EPHB1: variants seen among roughly 807,000 people sequenced by gnomAD.
EPHB1 encodes EPH receptor B1, also known as ephrin type-B receptor 1.
EPHB1 carries 30 observed loss-of-function variants against 94.4 expected under a neutral mutation model. That is an observed-to-expected ratio of 0.32 (90% confidence interval 0.24 to 0.43). The LOEUF is 0.43. Among genes scored for constraint, EPHB1 ranks in the 20% least tolerant of loss-of-function variants. The probability of loss-of-function intolerance (pLI) is 1.00; values close to 1 mark genes in which losing one functional copy is unlikely to be tolerated. For synonymous variants in EPHB1, 522 were observed against 489.1 expected (o/e 1.07, Z -0.89); for missense variants, 1,055 against 1,308.3 (o/e 0.81, Z 2.99).
intron 9 of EPHB1, among the ~76,000 whole-genome samples, chr3:135,172,736 G>T (rs773230991): frequency 6.6e-6 from 1 of 152,250 alleles, no homozygotes; most frequent in Non-Finnish European, 1.5e-5. Flanking sequence ...AAGTCTTATT[G>T]GGAGAGGAGG....
chr3:135,233,303 CCAAA>C (rs778377444), intron 12 of EPHB1, among the ~76,000 whole-genome samples: 9 of 152,196 alleles, frequency 5.9e-5, no homozygotes, highest in Admixed American at 2.6e-4. Context: ...AAGAAATGGG[CCAAA>C]CAAAGGGGCT....
Position 134,909,111 on chromosome 3 carries a change from G to GGC in EPHB1, c.59-16704_59-16703insCG, listed in dbSNP as rs1305507885. Among the ~76,000 whole-genome samples the GGC allele has an allele frequency of 9.7e-4, 105 of 108,060 alleles. 1 individual carries two copies. Among genetic ancestry groups the GGC allele is most frequent in the African/African-American group, 2.5e-3 (70 of 27,752 alleles). The allele number at this position is 108,060 out of a possible 152,430, so 70.9% of individuals were successfully genotyped here. On this transcript the variant is annotated intron_variant, in intron 1 of 15. Transcript: ENST00000398015. ...ATCAGAGAACAGTACACACAAGGTGGGGGCGGGGGGCGGGCTGGAAGAAAA... is the reference window on the plus strand; with the variant it reads ...ATCAGAGAACAGTACACACAAGGTGGGCGGGCGGGGGGCGGGCTGGAAGAAAA...
At chr3:135,211,941 C>T (rs954148663) in intron 12 of EPHB1, among the ~76,000 whole-genome samples, 11 of 152,006 alleles carry the variant, frequency 7.2e-5, no homozygotes, top group African/African-American at 2.7e-4. Context: ...CTTTTTTCCT[C>T]CTTCTGGTAG....
chr3:134,915,498 C>T lies in EPHB1; in HGVS notation c.59-10318C>T, dbSNP rs898562369. ...CGATAGGTTCAGAGGAAGTATGGCCCTGATACTGTGTCTGGAATTGGTGGG... is the reference window on the plus strand; with the variant it reads ...CGATAGGTTCAGAGGAAGTATGGCCTTGATACTGTGTCTGGAATTGGTGGG... On this transcript the variant is annotated intron_variant, in intron 1 of 15. Transcript: ENST00000398015. 4.6e-5 allele frequency among the ~76,000 whole-genome samples: 7 copies of T among 152,172 alleles called. 1 individual carries two copies. Among genetic ancestry groups the T allele is most frequent in the Non-Finnish European group, 1.0e-4 (7 of 68,026 alleles).
chr3:134,915,732 C>T (rs1030508523), intron 1 of EPHB1, among the ~76,000 whole-genome samples: 16 of 151,890 alleles, frequency 1.1e-4, no homozygotes, highest in African/African-American at 3.9e-4. Context: ...GCGGCGCGTC[C>T]GGAGTTGTTC....
At chr3:135,222,660 CT>C (rs1943299583) in intron 12 of EPHB1, among the ~76,000 whole-genome samples, 2 of 152,092 alleles carry the variant, frequency 1.3e-5, no homozygotes, top group Non-Finnish European at 2.9e-5. Flanking sequence ...ACACATTTTC[CT>C]TTGTGTTAAA....
intron 1 of EPHB1, among the ~76,000 whole-genome samples, chr3:134,871,880 G>C (rs1017611214): frequency 6.6e-6 from 1 of 152,154 alleles, no homozygotes; most frequent in African/African-American, 2.4e-5. Flanking sequence ...CCAAACAAGG[G>C]TCATTTTTAA....
At chr3:135,171,348 ACT>A (rs1308584960) in intron 9 of EPHB1, among the ~76,000 whole-genome samples, 1 of 152,152 alleles carries the variant, frequency 6.6e-6, no homozygotes, top group African/African-American at 2.4e-5. Flanking sequence ...TAGGTTAGTG[ACT>A]CTGTCAGCCA....
chr3:135,094,451 G>A (rs144918269), intron 3 of EPHB1, among the ~76,000 whole-genome samples: 2,629 of 152,224 alleles, frequency 0.017, 34 homozygotes, highest in Non-Finnish European at 0.024. Flanking sequence ...TGTTTCTCCT[G>A]GGGCTGGGCC....
At chr3:135,004,494 G>T (rs1935313165) in intron 3 of EPHB1, among the ~76,000 whole-genome samples, 2 of 152,216 alleles carry the variant, frequency 1.3e-5, no homozygotes, top group Non-Finnish European at 2.9e-5. Context: ...TCCTGAATCT[G>T]AACGTTGGCC....
intron 2 of EPHB1, among the ~76,000 whole-genome samples, chr3:134,941,578 T>A (rs1189605506): frequency 6.6e-6 from 1 of 152,230 alleles, no homozygotes; most frequent in Non-Finnish European, 1.5e-5. Context: ...CTTTTGCCTG[T>A]TTCTGAAATT....
intron 1 of EPHB1, among the ~76,000 whole-genome samples, chr3:134,871,397 G>T (rs1324399620): frequency 3.9e-5 from 6 of 152,104 alleles, no homozygotes; most frequent in Admixed American, 2.6e-4. Flanking sequence ...GAGGTGTTTG[G>T]CAGGTGAGGT....
In EPHB1 at chr3:135,162,102, G is replaced by A. The variant is rs2107698234; in HGVS notation, c.1507G>A (p.Val503Met). The stretch of plus-strand genomic sequence containing the variant: ...TGGGCTGCGGCCTGGCATGGTATAT[G>A]TGGTACAGGTGCGTGCCCGCACTGT... The part of the protein sequence containing the change: ...IDGLRPGMVY[V>M]VQVRARTVAG... Residue 503 changes from valine (V) to methionine (M), a missense_variant, in exon 7 of 16, where the codon GTG becomes ATG. By Grantham distance (21) the Val-to-Met change is conservative. Coordinates refer to ENST00000398015, the MANE Select transcript of EPHB1 (RefSeq NM_004441.5). The A allele has an allele frequency of 1.2e-6, 2 of 1,613,440 alleles. No individual in the cohort carries two copies. Among genetic ancestry groups the A allele is most frequent in the Non-Finnish European group, 1.7e-6 (2 of 1,179,604 alleles).
chr3:135,036,557 T>C (rs1936655088), intron 3 of EPHB1, among the ~76,000 whole-genome samples: 1 of 152,162 alleles, frequency 6.6e-6, no homozygotes, highest in Non-Finnish European at 1.5e-5. Flanking sequence ...GTTGCTGTCT[T>C]CTACATTAAC....
intron 5 of EPHB1, among the ~76,000 whole-genome samples, chr3:135,140,414 T>C (rs1006858330): frequency 1.3e-5 from 2 of 152,210 alleles, no homozygotes; most frequent in African/African-American, 4.8e-5. Context: ...ACCTGAAATA[T>C]AGAAAGCAAT....
intron 1 of EPHB1, among the ~76,000 whole-genome samples, chr3:134,860,798 CAAAAAA>C (rs10666494): frequency 6.4e-5 from 6 of 93,718 alleles, no homozygotes; most frequent in African/African-American, 1.3e-4. Context: ...GGCCAGGTGA[CAAAAAA>C]AAAAAAAAAA....
rs149663171 is a variant in EPHB1, at chr3:134,974,314, G to T, written c.805+22262G>T. On this transcript the variant is annotated intron_variant, in intron 3 of 15. Transcript: ENST00000398015. Reference sequence around the variant, plus strand: ...AGAGTGTAGACTCTGGAGCCAGACTGCCTGGGTTGGAACTCTGGTGCTACC... The same window carrying T: ...AGAGTGTAGACTCTGGAGCCAGACTTCCTGGGTTGGAACTCTGGTGCTACC... Among the ~76,000 whole-genome samples the T allele has an allele frequency of 1.1e-3, 162 of 152,106 alleles. 1 individual carries two copies. The highest frequency in any genetic ancestry group is 3.7e-3 in the African/African-American group (155 of 41,504).
At chr3:135,090,580 A>C (rs1938518811) in intron 3 of EPHB1, among the ~76,000 whole-genome samples, 1 of 151,790 alleles carries the variant, frequency 6.6e-6, no homozygotes, top group Non-Finnish European at 1.5e-5. Flanking sequence ...GACTGAACAA[A>C]CCCCCCTGGC....
intron 3 of EPHB1, chr3:134,977,908 G>A: frequency 2.2e-6 from 1 of 451,554 alleles, no homozygotes; most frequent in South Asian, 1.6e-5. Context: ...TACCTGTGAA[G>A]GAGAGAATGG....
Sources: allele counts gnomAD v4.1 joint callset (sites outside exome capture counted in the v4.1 genomes callset), GRCh38; gene constraint gnomAD v4.1.1; transcripts MANE v1.5; gene names NCBI Gene and HGNC (gene_info 2026-07-23, HGNC 2026-07-21).